The following RAI1 variants were observed in gnomAD, a reference collection of about 807,000 sequenced individuals.
RAI1 encodes the protein retinoic acid-induced protein 1.
In RAI1, 9 loss-of-function variants were observed where a neutral mutation model predicts 123.8. That is an observed-to-expected ratio of 0.07 (90% CI 0.04 to 0.13). The LOEUF (loss-of-function observed/expected upper bound fraction) is 0.13. Among genes scored for constraint, RAI1 ranks in the 10% least tolerant of loss-of-function variants. The pLI, the probability that RAI1 is intolerant of heterozygous loss-of-function variation, is 1.00. For synonymous variants in RAI1, 1,231 were observed against 1,127.3 expected (o/e 1.09, Z -1.84); for missense variants, 2,256 against 2,545.8 (o/e 0.89, Z 2.45).
intron 2 of RAI1, among the ~76,000 whole-genome samples, chr17:17,774,526 G>T (rs946022541): frequency 4.6e-5 from 7 of 152,212 alleles, no homozygotes; most frequent in African/African-American, 1.7e-4. Context: ...ACCCCGCTCT[G>T]GCCACTGCCC....
rs537915273 is a variant in RAI1, at chr17:17,800,131, C to T, written c.5565+1618C>T. ...TGGCCTTGGGCCTCTTCCCTCTCCCCTTCCCAGTTAGTGATTTTTTGCCTC... is the reference window on the plus strand; with the variant it reads ...TGGCCTTGGGCCTCTTCCCTCTCCCTTTCCCAGTTAGTGATTTTTTGCCTC... On this transcript the variant is annotated intron_variant, in intron 3 of 5. Transcript: ENST00000353383. This position sits in a 1 kb window ranked among gnomAD's most constrained non-coding sequence, Gnocchi z 4.7. Among the ~76,000 whole-genome samples, 50 of 151,098 alleles carry T rather than the reference C, an allele frequency of 3.3e-4. No individual in the cohort carries two copies. The highest frequency in any genetic ancestry group is 1.2e-3 in the African/African-American group (49 of 41,156).
In RAI1 at chr17:17,803,791, T is replaced by C. The variant is rs3818717; in HGVS notation, c.5601T>C (p.Ile1867=). 827,954 of 1,612,858 alleles carry C rather than the reference T, an allele frequency of 0.51. 229,777 individuals carry two copies. The highest frequency in any genetic ancestry group is 0.58 in the Non-Finnish European group (687,407 of 1,179,624). ...GCTGCCAAGAAGCCGGGGCCACCATTGGGTGCTGCCACAAAGGATGCCTCC... is the reference window on the plus strand; with the variant it reads ...GCTGCCAAGAAGCCGGGGCCACCATCGGGTGCTGCCACAAAGGATGCCTCC... ...CSSCQEAGAT[I]GCCHKGCLHT... is the part of the protein sequence containing the mutation. Residue 1867 remains isoleucine (I), a synonymous_variant, in exon 4 of 6, where the codon ATT becomes ATC. Coordinates refer to ENST00000353383, the MANE Select transcript of RAI1 (RefSeq NM_030665.4).
At chr17:17,758,102 T>C (rs1377471267) in intron 2 of RAI1, among the ~76,000 whole-genome samples, 2 of 152,118 alleles carry the variant, frequency 1.3e-5, no homozygotes, top group East Asian at 1.9e-4. Flanking sequence ...CTTCATCTAT[T>C]ATTAACGCTG....
chr17:17,703,853 ACT>A (rs967055647), intron 1 of RAI1, among the ~76,000 whole-genome samples: 13 of 151,404 alleles, frequency 8.6e-5, no homozygotes, highest in Admixed American at 6.6e-5. Flanking sequence ...GTTCCATTCC[ACT>A]CTGCCCAGAA....
At position 17,764,559 on chromosome 17, in the gene RAI1, G is replaced by A. The variant is rs552134763; in HGVS notation, c.-16-28374G>A. ...GCGATCTCGCCTCACTACAACCTCC[G>A]TCTCCCGAGTTCAAGCAATTCTCGT... is the stretch of plus-strand genomic sequence containing the variant. On this transcript the variant is annotated intron_variant, in intron 2 of 5. Transcript: ENST00000353383. 4.7e-4 allele frequency among the ~76,000 whole-genome samples: 69 copies of A among 147,518 alleles called. 1 individual carries two copies. In the South Asian group the frequency reaches 6.1e-3, roughly 13 times the overall value.
At chr17:17,749,367 C>T (rs1400166843) in intron 2 of RAI1, among the ~76,000 whole-genome samples, 2 of 152,246 alleles carry the variant, frequency 1.3e-5, no homozygotes, top group Non-Finnish European at 2.9e-5. Flanking sequence ...ACCTCCTAGC[C>T]GGCATCCTCC....
In RAI1 at chr17:17,698,920, A is replaced by G. The variant is rs576269701; in HGVS notation, c.-149+17127A>G. Among the ~76,000 whole-genome samples, 5 of 152,374 alleles carry G rather than the reference A, an allele frequency of 3.3e-5. No individual in the cohort carries two copies. In the South Asian group the frequency reaches 6.2e-4, roughly 19 times the overall value. ...GGCCAAAGGAAGAAAGACATTAATCAAAGAATCAAGTGATCTGAGTCGTGC... is the reference window on the plus strand; with the variant it reads ...GGCCAAAGGAAGAAAGACATTAATCGAAGAATCAAGTGATCTGAGTCGTGC... On this transcript the variant is annotated intron_variant, in intron 1 of 5. Coordinates refer to ENST00000353383, the MANE Select transcript of RAI1 (RefSeq NM_030665.4).
chr17:17,737,750 C>T lies in RAI1; in HGVS notation c.-17+13591C>T, dbSNP rs539569212. Among the ~76,000 whole-genome samples the T allele has an allele frequency of 2.6e-5, 4 of 152,256 alleles. No homozygotes were observed. In the South Asian group the frequency reaches 8.3e-4, roughly 32 times the overall value. Reference sequence around the variant, plus strand: ...TACAAGGCTGAACATGGGCAAGGGTCCAGGGCCCTTCTCGGGCTCAGCCTG... The same window carrying T: ...TACAAGGCTGAACATGGGCAAGGGTTCAGGGCCCTTCTCGGGCTCAGCCTG... On this transcript the variant is annotated intron_variant, in intron 2 of 5. Coordinates refer to ENST00000353383, the MANE Select transcript of RAI1 (RefSeq NM_030665.4).
chr17:17,721,306 C>T (rs918539088), intron 1 of RAI1, among the ~76,000 whole-genome samples: 4 of 152,196 alleles, frequency 2.6e-5, no homozygotes, highest in Non-Finnish European at 5.9e-5. Context: ...TGAACAAGTG[C>T]TTATGGAATG....
chr17:17,691,803 G>A (rs1426026226), intron 1 of RAI1, among the ~76,000 whole-genome samples: 1 of 152,232 alleles, frequency 6.6e-6, no homozygotes, highest in Non-Finnish European at 1.5e-5. Flanking sequence ...CAGGTGGGCA[G>A]TGGGAGCACC....
At chr17:17,717,305 T>C (rs1211132253) in intron 1 of RAI1, among the ~76,000 whole-genome samples, 2 of 152,120 alleles carry the variant, frequency 1.3e-5, no homozygotes, top group African/African-American at 4.8e-5. Flanking sequence ...AGAAAGCGCC[T>C]GTGAGTCCTG....
rs746326943 is a variant in RAI1, at chr17:17,799,368, C to T, written c.5565+855C>T. 3.3e-5 allele frequency among the ~76,000 whole-genome samples: 5 copies of T among 152,154 alleles called. No homozygotes were observed. Among genetic ancestry groups the T allele is most frequent in the Non-Finnish European group, 7.4e-5 (5 of 68,004 alleles). ...GGTGGCTCTGGTGACAGCAGGGTGA[C>T]GTTCTTCGTGGTGTCACCACTTCCC... On this transcript the variant is annotated intron_variant, in intron 3 of 5. Transcript: ENST00000353383. This position sits in a 1 kb window ranked among gnomAD's most constrained non-coding sequence, Gnocchi z 4.5.
intron 2 of RAI1, among the ~76,000 whole-genome samples, chr17:17,731,948 C>G (rs1398698111): frequency 1.3e-5 from 2 of 152,018 alleles, no homozygotes; most frequent in East Asian, 3.9e-4. Flanking sequence ...GAGGGAGGAA[C>G]AGTGCCCAGA....
In RAI1 at chr17:17,810,610, A is replaced by G. The variant is rs760727327; in HGVS notation, c.*629A>G. The G allele has an allele frequency of 4.2e-4, 139 of 328,194 alleles. No individual in the cohort carries two copies. Among genetic ancestry groups the G allele is most frequent in the Non-Finnish European group, 7.1e-4 (116 of 164,056 alleles). The allele number at this position is 328,194 out of a possible 1,614,324, so 20.3% of individuals were successfully genotyped here. A position where few individuals can be genotyped will look rare whatever the true frequency, so the allele number is the denominator to read the frequency against. ...GGGGCCTTCCCGCCCAGCCTTTGCC[A>G]GATCTCTCGTGCGGTTCGGGCAAAG... On this transcript the variant is annotated 3_prime_UTR_variant, in exon 6 of 6. Transcript: ENST00000353383. This position sits in a 1 kb window ranked among gnomAD's most constrained non-coding sequence, Gnocchi z 4.6.
chr17:17,762,595 A>G (rs2030750096), intron 2 of RAI1, among the ~76,000 whole-genome samples: 2 of 152,186 alleles, frequency 1.3e-5, no homozygotes, highest in Admixed American at 1.3e-4. Flanking sequence ...CTGGGCTTCC[A>G]GAGTCTGTGG....
chr17:17,682,346 G>C (rs1262132886), intron 1 of RAI1: 3 of 151,634 alleles, frequency 2.0e-5, no homozygotes, highest in Non-Finnish European at 2.9e-5. Flanking sequence ...TCCCTACCCG[G>C]GCAGCGGCCC....
intron 1 of RAI1, among the ~76,000 whole-genome samples, chr17:17,718,857 G>A (rs774596396): frequency 4.6e-5 from 7 of 152,136 alleles, no homozygotes; most frequent in Non-Finnish European, 1.0e-4. Context: ...GGCATGAAGG[G>A]CATTAATGTG....
chr17:17,770,039 A>G (rs1335935948), intron 2 of RAI1, among the ~76,000 whole-genome samples: 2 of 152,080 alleles, frequency 1.3e-5, no homozygotes, highest in Non-Finnish European at 2.9e-5. Context: ...TGGGCCCTCC[A>G]GGACCCTAGG....
intron 2 of RAI1, among the ~76,000 whole-genome samples, chr17:17,763,590 AGT>A (rs1043715864): frequency 2.6e-4 from 40 of 152,210 alleles, no homozygotes; most frequent in African/African-American, 9.4e-4. Flanking sequence ...GGCAGGGAGA[AGT>A]GTGCTGGGCA....
Sources: allele counts gnomAD v4.1 joint callset (sites outside exome capture counted in the v4.1 genomes callset), GRCh38; gene constraint gnomAD v4.1.1; non-coding constraint Gnocchi (gnomAD v3.1); transcripts MANE v1.5; gene names NCBI Gene and HGNC (gene_info 2026-07-23, HGNC 2026-07-21).